Variants in APLF observed in about 807,000 individuals in gnomAD.
The protein encoded by APLF is aprataxin and PNKP like factor.
Under a neutral mutation model 55.6 loss-of-function variants are expected in APLF, and 61 were observed. The observed-to-expected ratio is 1.10, with a 90% CI of 0.89 to 1.36. The LOEUF is 1.36. APLF is among the 40% of genes most tolerant of loss of function. The pLI is 0.00. For synonymous variants in APLF, 207 were observed against 214.8 expected (o/e 0.96, Z 0.32); for missense variants, 611 against 602.5 (o/e 1.01, Z -0.15).
At chr2:68,572,642 C>T (rs1445072693) in intron 9 of APLF, among the ~76,000 whole-genome samples, 2 of 152,080 alleles carry the variant, frequency 1.3e-5, no homozygotes, top group African/African-American at 4.8e-5. Flanking sequence ...TCATGACCAG[C>T]CTGGGCAACA....
At chr2:68,501,323 G>A (rs1022416440) in intron 2 of APLF, among the ~76,000 whole-genome samples, 1 of 151,806 alleles carries the variant, frequency 6.6e-6, no homozygotes, top group African/African-American at 2.4e-5. Flanking sequence ...TCCCAGGGTG[G>A]TAATTACTTT....
rs147962002 is a variant in APLF, at chr2:68,490,218, A to T, written c.125A>T (p.His42Leu). 1,908 of 1,612,300 alleles carry T rather than the reference A, an allele frequency of 1.2e-3. 2 individuals are homozygous for T. Among genetic ancestry groups the T allele is most frequent in the Middle Eastern group, 8.3e-3 (50 of 6,054 alleles). Reference protein sequence around the residue: ...GITDKRVSRRHAILEVAGGQL... With the variant: ...GITDKRVSRRLAILEVAGGQL... ...ACAGACAAGAGAGTATCCAGAAGAC[A>T]TGCCATTCTTGAGGTGGCAGGTGGT... The change falls in exon 2 of 10, where the codon CAT becomes CTT. Residue 42 changes from histidine (H) to leucine (L), a missense_variant. Coordinates refer to ENST00000303795, the MANE Select transcript of APLF (RefSeq NM_173545.3).
chr2:68,525,627 C>T (rs901547080), intron 5 of APLF, among the ~76,000 whole-genome samples: 1 of 151,922 alleles, frequency 6.6e-6, no homozygotes, highest in Non-Finnish European at 1.5e-5. Context: ...GAGCTCTTGG[C>T]CATTTTGCTG....
At chr2:68,530,829 A>G (rs1351430048) in intron 6 of APLF, among the ~76,000 whole-genome samples, 1 of 152,134 alleles carries the variant, frequency 6.6e-6, no homozygotes, top group Non-Finnish European at 1.5e-5. Context: ...TTGTTATTGG[A>G]GAATTGAAAC....
At chr2:68,568,403 C>A in intron 9 of APLF, 1 of 759,040 alleles carries the variant, frequency 1.3e-6, no homozygotes, top group Non-Finnish European at 1.6e-6. Flanking sequence ...TTTGACATTT[C>A]TTATTGAAAC....
chr2:68,577,798 G>T, intron 9 of APLF, 22 bp from the exon 10 acceptor site: 1 of 1,612,172 alleles, frequency 6.2e-7, no homozygotes, highest in Non-Finnish European at 8.5e-7. Context: ...GATGTGTTGT[G>T]TACCAATCTT....
chr2:68,563,327 T>TA, intron 8 of APLF: 1 of 984,052 alleles, frequency 1.0e-6, no homozygotes. Flanking sequence ...CTCTTCCTTT[T>TA]TGGAATAATT....
intron 5 of APLF, among the ~76,000 whole-genome samples, chr2:68,523,346 G>C (rs769027247): frequency 6.6e-6 from 1 of 151,770 alleles, no homozygotes; most frequent in Non-Finnish European, 1.5e-5. Flanking sequence ...TGCTTGTGGA[G>C]GTATAAATTA....
intron 9 of APLF, 89 bp from the exon 10 acceptor site, chr2:68,577,731 G>A: frequency 5.4e-6 from 8 of 1,482,024 alleles, no homozygotes; most frequent in Non-Finnish European, 7.3e-6. Flanking sequence ...TTAATCCTCT[G>A]GATGCAGAAA....
intron 6 of APLF, among the ~76,000 whole-genome samples, chr2:68,536,232 T>C (rs1358188374): frequency 2.0e-5 from 3 of 152,182 alleles, no homozygotes; most frequent in Non-Finnish European, 4.4e-5. Flanking sequence ...GTTGCCAGTG[T>C]AGCCAAAGGA....
chr2:68,530,249 C>G (rs1670215150), intron 6 of APLF, among the ~76,000 whole-genome samples: 3 of 152,200 alleles, frequency 2.0e-5, no homozygotes, highest in Admixed American at 2.0e-4. Context: ...TTATTTTTTC[C>G]TGTAGTCCTG....
At chr2:68,571,786 G>C (rs148836516) in intron 9 of APLF, among the ~76,000 whole-genome samples, 3,858 of 152,074 alleles carry the variant, frequency 0.025, 64 homozygotes, top group South Asian at 0.042. Flanking sequence ...GCTCTTTTTT[G>C]TTCCATATGA....
chr2:68,519,677 T>C (rs1669835009), intron 5 of APLF, among the ~76,000 whole-genome samples: 1 of 150,138 alleles, frequency 6.7e-6, no homozygotes, highest in African/African-American at 2.4e-5. Context: ...TATAAATATA[T>C]GTATATATAT....
rs1007949488 is a variant in APLF, at chr2:68,474,558, A to G, written c.96+6731A>G. Among the ~76,000 whole-genome samples, 70 of 152,222 alleles carry G rather than the reference A, an allele frequency of 4.6e-4. 1 individual carries two copies. The highest frequency in any genetic ancestry group is 1.6e-3 in the African/African-American group (67 of 41,452). The stretch of plus-strand genomic sequence containing the variant: ...ATCTTCCCCTGAATTAATGCCTTCA[A>G]ATTTTCATCCCCCATTTACTACTTA... On this transcript the variant is annotated intron_variant, in intron 1 of 9. Coordinates refer to ENST00000303795, the MANE Select transcript of APLF (RefSeq NM_173545.3).
chr2:68,579,905 A>G lies in APLF; in HGVS notation c.*1883A>G, dbSNP rs1671725506. On this transcript the variant is annotated 3_prime_UTR_variant, in exon 10 of 10. Transcript: ENST00000303795. ...TCTGTAAATATATTACAAACAATGC[A>G]TTGTACACTTTCAAAGGGTAGATTT... 1 of 458,784 alleles carries G rather than the reference A, an allele frequency of 2.2e-6. No individual in the cohort carries two copies. The highest frequency in any genetic ancestry group is 2.9e-6 in the Non-Finnish European group (1 of 348,946). The allele number at this position is 458,784 out of a possible 1,614,324, so 28.4% of individuals were successfully genotyped here.
chr2:68,561,068 A>G (rs533631609), intron 8 of APLF, among the ~76,000 whole-genome samples: 2 of 152,126 alleles, frequency 1.3e-5, no homozygotes, highest in Non-Finnish European at 2.9e-5. Context: ...AAATTCAGCT[A>G]TTTAATATTA....
chr2:68,535,633 T>C (rs1387011246), intron 6 of APLF, among the ~76,000 whole-genome samples: 2 of 151,648 alleles, frequency 1.3e-5, no homozygotes, highest in African/African-American at 2.4e-5. Context: ...TGATAAGATA[T>C]TGAGTGGGAT....
intron 8 of APLF, among the ~76,000 whole-genome samples, chr2:68,565,856 CAG>C (rs1468265623): frequency 6.6e-6 from 1 of 152,000 alleles, no homozygotes; most frequent in East Asian, 1.9e-4. Context: ...CTGATTATTT[CAG>C]AGATATTTTA....
chr2:68,526,739 G>A (rs1670067968), intron 6 of APLF, among the ~76,000 whole-genome samples: 1 of 152,174 alleles, frequency 6.6e-6, no homozygotes, highest in Non-Finnish European at 1.5e-5. Context: ...CCAGGCTGGA[G>A]CGCAGTGGTG....
Sources: allele counts gnomAD v4.1 joint callset (sites outside exome capture counted in the v4.1 genomes callset), GRCh38; gene constraint gnomAD v4.1.1; transcripts MANE v1.5; gene names NCBI Gene and HGNC (gene_info 2026-07-23, HGNC 2026-07-21).